BMS1: variants seen among roughly 807,000 people sequenced by gnomAD.
BMS1 encodes the protein ribosome biogenesis protein BMS1 homolog.
In BMS1, 53 loss-of-function variants were observed where a neutral mutation model predicts 138.7. The observed-to-expected ratio is 0.38, with a 90% CI of 0.31 to 0.48. The LOEUF (loss-of-function observed/expected upper bound fraction) is 0.48, where lower values mean the gene tolerates loss of function less well. Ranked by LOEUF, BMS1 falls within the 20% of genes least tolerant of loss-of-function variation. The pLI, the probability that BMS1 is intolerant of heterozygous loss-of-function variation, is 0.97. For missense variants in BMS1, 1,360 were observed against 1,565.5 expected, an observed-to-expected ratio of 0.87 and a Z score of 2.22; for synonymous variants, 504 against 539.9, an observed-to-expected ratio of 0.93 and a Z score of 0.92.
At chr10:42,786,772 A>G (rs1295896253) in intron 3 of BMS1, among the ~76,000 whole-genome samples, 5 of 152,006 alleles carry the variant, frequency 3.3e-5, no homozygotes, top group Non-Finnish European at 5.9e-5. Flanking sequence ...AGAAGTAATT[A>G]TTGTTATGAA....
chr10:42,795,646 C>T (rs1443919790), intron 9 of BMS1, among the ~76,000 whole-genome samples: 1 of 151,956 alleles, frequency 6.6e-6, no homozygotes, highest in South Asian at 2.1e-4. Context: ...CTAACTTACC[C>T]GTCTCTTATG....
rs1484920905 is a variant in BMS1, at chr10:42,783,726, A to C, written c.-33-636A>C. The stretch of plus-strand genomic sequence containing the variant: ...GGGTCTCCAGGTGTCATCTAGAACC[A>C]GTCCTATCTCACACGTACAGCTATT... On this transcript the variant is annotated intron_variant, in intron 1 of 22. Transcript: ENST00000374518. 2.6e-5 allele frequency among the ~76,000 whole-genome samples: 4 copies of C among 152,240 alleles called. No homozygotes were observed. In the East Asian group the frequency reaches 5.8e-4, roughly 22 times the overall value.
Position 42,796,880 on chromosome 10 carries a change from G to A in BMS1, c.1636G>A (p.Gly546Ser), listed in dbSNP as rs1841702963. ...TTCAGGATCAAAGGCTGCTGGAGAA[G>A]GTAGTAAAGCAGGGCTGTCACCAGC... ...GISGSKAAGE[G>S]SKAGLSPANC... is the part of the protein sequence containing the mutation. The change falls in exon 10 of 23, where the codon GGT (glycine) becomes AGT (serine). Residue 546 changes from glycine (G) to serine (S), a missense_variant. By Grantham distance (56) the Gly-to-Ser change is moderately conservative. Around this residue, in one of 3 missense-constraint regions of BMS1, gnomAD observed 697 missense variants for 686.2 expected, o/e 1.02. Coordinates refer to ENST00000374518, the MANE Select transcript of BMS1 (RefSeq NM_014753.4). The A allele has an allele frequency of 1.2e-6, 2 of 1,614,198 alleles. No homozygotes were observed. Among genetic ancestry groups the A allele is most frequent in the Non-Finnish European group, 8.5e-7 (1 of 1,180,036 alleles).
At chr10:42,817,037 T>G (rs1229615599) in intron 14 of BMS1, among the ~76,000 whole-genome samples, 1 of 152,196 alleles carries the variant, frequency 6.6e-6, no homozygotes, top group Non-Finnish European at 1.5e-5. Context: ...GAACAGGGTC[T>G]GGGAGCATCT....
intron 4 of BMS1, 136 bp from the exon 5 acceptor site, chr10:42,790,187 T>C (rs1481631044): frequency 3.9e-6 from 3 of 772,460 alleles, no homozygotes; most frequent in East Asian, 2.5e-5. Flanking sequence ...AATGAATTAA[T>C]GTGGCTATGT....
intron 18 of BMS1, among the ~76,000 whole-genome samples, chr10:42,821,591 C>T (rs554844351): frequency 3.0e-4 from 33 of 110,896 alleles, no homozygotes; most frequent in African/African-American, 1.2e-3. Context: ...CTCACTCTGT[C>T]ATCCAGGCTG....
At position 42,796,892 on chromosome 10, in the gene BMS1, G is replaced by A. The variant is rs2132318406; in HGVS notation, c.1648G>A (p.Gly550Arg). 3 of 1,614,202 alleles carry A rather than the reference G, an allele frequency of 1.9e-6. No individual in the cohort carries two copies. In the South Asian group the frequency reaches 3.3e-5, roughly 18 times the overall value. Residue 550 changes from glycine (G) to arginine (R), a missense_variant, in exon 10 of 23, where the codon GGG becomes AGG. Physicochemically the swap from Gly to Arg is moderately radical, Grantham distance 125. Transcript: ENST00000374518. ...SKAAGEGSKA[G>R]LSPANCQSDR... ...GGCTGCTGGAGAAGGTAGTAAAGCA[G>A]GGCTGTCACCAGCTAATTGCCAGAG...
chr10:42,783,125 T>C (rs1413911199), intron 1 of BMS1, among the ~76,000 whole-genome samples: 1 of 151,958 alleles, frequency 6.6e-6, no homozygotes, highest in Non-Finnish European at 1.5e-5. Flanking sequence ...TGACCCCAAA[T>C]TGTGCTTTTC....
intron 13 of BMS1, among the ~76,000 whole-genome samples, chr10:42,807,579 TC>T: frequency 6.6e-6 from 1 of 152,258 alleles, no homozygotes; most frequent in African/African-American, 2.4e-5. Flanking sequence ...CAAGTGATCT[TC>T]CCACATCAGC....
At chr10:42,813,410 A>G (rs1375567472) in intron 13 of BMS1, among the ~76,000 whole-genome samples, 1 of 152,090 alleles carries the variant, frequency 6.6e-6, no homozygotes, top group Non-Finnish European at 1.5e-5. Flanking sequence ...CTCTTTGTAT[A>G]GTCTTGAAGT....
Position 42,822,174 on chromosome 10 carries a change from C to T in BMS1, c.3122C>T (p.Ser1041Leu), listed in dbSNP as rs1842520314. 7.1e-7 allele frequency: 1 copy of T among 1,399,666 alleles called. No individual in the cohort carries two copies. Among genetic ancestry groups the T allele is most frequent in the African/African-American group, 1.4e-5 (1 of 70,442 alleles). The allele number at this position is 1,399,666 out of a possible 1,614,324, so 86.7% of individuals were successfully genotyped here. The change falls in exon 19 of 23, where the codon TCA becomes TTA. Residue 1041 changes from serine (S) to leucine (L), a missense_variant. Ser to Leu is a moderately radical substitution (Grantham distance 145, BLOSUM62 -2). Coordinates refer to ENST00000374518, the MANE Select transcript of BMS1 (RefSeq NM_014753.4). ...GFPYKIFKNT[S>L]FIKGMFNSAL... is the part of the protein sequence containing the mutation. ...CCATATAAAATTTTCAAGAACACTT[C>T]ATTTATTAAGGTCTGTATATCTATA...
rs184757212 is a variant in BMS1, at chr10:42,830,110, A to G, written c.3457-151A>G. The G allele has an allele frequency of 9.2e-5, 75 of 815,158 alleles. 1 individual carries two copies. In the Middle Eastern group the frequency reaches 1.1e-3, roughly 12 times the overall value. 50.5% of individuals were successfully genotyped at this position (815,158 alleles called of 1,614,324 possible). A position where few individuals can be genotyped will look rare whatever the true frequency, so the allele number is the denominator to read the frequency against. Reference sequence around the variant, plus strand: ...TCCACTGAGGCAGTTCATATTTGGCAGATGATTGAGTCCTGATTTCTCAGG... The same window carrying G: ...TCCACTGAGGCAGTTCATATTTGGCGGATGATTGAGTCCTGATTTCTCAGG... On this transcript the variant is annotated intron_variant, in intron 21 of 22. Coordinates refer to ENST00000374518, the MANE Select transcript of BMS1 (RefSeq NM_014753.4).
intron 4 of BMS1, among the ~76,000 whole-genome samples, chr10:42,787,960 A>T (rs1197630575): frequency 1.3e-5 from 2 of 152,188 alleles, no homozygotes; most frequent in African/African-American, 4.8e-5. Context: ...TTAGCAAAAA[A>T]ATAAGCCATA....
At chr10:42,816,037 C>T (rs1842337912) in intron 13 of BMS1, among the ~76,000 whole-genome samples, 1 of 152,066 alleles carries the variant, frequency 6.6e-6, no homozygotes, top group Admixed American at 6.5e-5. Flanking sequence ...TGCAGTGGCT[C>T]ATGGCTGTAA....
At chr10:42,802,355 A>T in intron 13 of BMS1, 137 bp downstream of exon 13, 1 of 669,042 alleles carries the variant, frequency 1.5e-6, no homozygotes, top group Non-Finnish European at 2.4e-6. Flanking sequence ...GTAATGAACC[A>T]GGTAATATTC....
At position 42,823,208 on chromosome 10, in the gene BMS1, C is replaced by T; in HGVS notation, c.3223C>T (p.Leu1075Phe). 1 of 1,606,902 alleles carries T rather than the reference C, an allele frequency of 6.2e-7. No individual in the cohort carries two copies. Among genetic ancestry groups the T allele is most frequent in the Non-Finnish European group, 8.5e-7 (1 of 1,178,286 alleles). ...SGIRGQIKKA[L>F]RAPEGAFRAS... ...GATAAGGGGGCAGATCAAGAAAGCA[C>T]TCCGAGCTCCAGAAGGAGCTTTCAG... The change falls in exon 20 of 23, where the codon CTC becomes TTC. Residue 1075 changes from leucine (L) to phenylalanine (F), a missense_variant. Coordinates refer to ENST00000374518, the MANE Select transcript of BMS1 (RefSeq NM_014753.4).
chr10:42,786,718 G>A (rs746630477), intron 3 of BMS1, among the ~76,000 whole-genome samples: 10 of 151,874 alleles, frequency 6.6e-5, no homozygotes, highest in Non-Finnish European at 1.3e-4. Flanking sequence ...GAGCTACTGT[G>A]CCCAGCCCAT....
chr10:42,825,857 A>G (rs2132390674), intron 21 of BMS1, among the ~76,000 whole-genome samples: 1 of 152,310 alleles, frequency 6.6e-6, no homozygotes, highest in Admixed American at 6.5e-5. Flanking sequence ...ATCTTAGTGG[A>G]AAAGCTTTTA....
At chr10:42,814,228 G>A (rs919724699) in intron 13 of BMS1, among the ~76,000 whole-genome samples, 18 of 152,208 alleles carry the variant, frequency 1.2e-4, no homozygotes, top group East Asian at 5.8e-4. Context: ...ACATAAATGC[G>A]GGGTCTTTTG....
Sources: gnomAD v4.1 joint callset for allele counts (sites outside exome capture counted in the v4.1 genomes callset) on GRCh38, gnomAD v4.1.1 for gene constraint, gnomAD v4.1.1 regional missense constraint, MANE v1.5 for transcripts, NCBI Gene and HGNC (gene_info 2026-07-23, HGNC 2026-07-21) for gene names.